The following KIAA1671 variants were observed in gnomAD, a reference collection of about 807,000 sequenced individuals.
The protein encoded by KIAA1671 is KIAA1671.
KIAA1671 carries 52 observed loss-of-function variants against 131.2 expected under a neutral mutation model. The ratio of observed to expected loss-of-function variants is 0.40; its 90% CI spans 0.32 to 0.50. The LOEUF is 0.50. KIAA1671 is among the 20% of genes least tolerant of loss of function. The probability of loss-of-function intolerance (pLI) is 0.73; values close to 1 mark genes in which losing one functional copy is unlikely to be tolerated. For synonymous variants in KIAA1671, 1,003 were observed against 961.6 expected (o/e 1.04, Z -0.80); for missense variants, 2,360 against 2,364.2 (o/e 1.00, Z 0.04).
chr22:25,084,953 G>C (rs993977431), intron 6 of KIAA1671, among the ~76,000 whole-genome samples: 3 of 152,236 alleles, frequency 2.0e-5, no homozygotes, highest in African/African-American at 7.2e-5. Context: ...AGTGAGTGTT[G>C]TGGCAAAGAA....
At chr22:25,155,264 T>G (rs557176854) in intron 6 of KIAA1671, among the ~76,000 whole-genome samples, 2 of 152,238 alleles carry the variant, frequency 1.3e-5, no homozygotes, top group Non-Finnish European at 2.9e-5. Flanking sequence ...AGCTATAGTT[T>G]AGGTATCAGG....
intron 6 of KIAA1671, among the ~76,000 whole-genome samples, chr22:25,069,656 G>A (rs958174964): frequency 2.0e-5 from 3 of 152,146 alleles, no homozygotes; most frequent in African/African-American, 7.2e-5. Flanking sequence ...TGTAAAATGG[G>A]GATGGCCACA....
chr22:25,016,547 C>T lies in KIAA1671; in HGVS notation c.-207-9086C>T, dbSNP rs529981572. ...AGGCCCAGACTAAGGCAGGGAGGGGCTGGCCCAAAGCCGTCACTGCAGGTT... is the reference window on the plus strand; with the variant it reads ...AGGCCCAGACTAAGGCAGGGAGGGGTTGGCCCAAAGCCGTCACTGCAGGTT... On this transcript the variant is annotated intron_variant, in intron 1 of 12. Coordinates refer to ENST00000358431, the MANE Select transcript of KIAA1671 (RefSeq NM_001145206.2). Among the ~76,000 whole-genome samples the T allele has an allele frequency of 2.5e-3, 376 of 152,270 alleles. 4 individuals are homozygous for T. Among genetic ancestry groups the T allele is most frequent in the African/African-American group, 8.8e-3 (365 of 41,544 alleles).
intron 6 of KIAA1671, among the ~76,000 whole-genome samples, chr22:25,099,893 G>T (rs1380516464): frequency 6.6e-6 from 1 of 152,192 alleles, no homozygotes; most frequent in Non-Finnish European, 1.5e-5. Flanking sequence ...CATGCCTGTT[G>T]CTGGGGGCCT....
At chr22:25,033,301 G>A (rs1926391243) in intron 4 of KIAA1671, among the ~76,000 whole-genome samples, 1 of 152,078 alleles carries the variant, frequency 6.6e-6, no homozygotes, top group Non-Finnish European at 1.5e-5. Context: ...GAGGCAGGAG[G>A]ATTGCTTGAG....
chr22:25,115,100 A>G (rs1931584416), intron 6 of KIAA1671, among the ~76,000 whole-genome samples: 1 of 152,204 alleles, frequency 6.6e-6, no homozygotes, highest in African/African-American at 2.4e-5. Flanking sequence ...AAGGGATAAA[A>G]GGGGGAAAGA....
chr22:25,033,574 G>T (rs1330914879), intron 4 of KIAA1671, among the ~76,000 whole-genome samples: 54 of 58,400 alleles, frequency 9.2e-4, no homozygotes, highest in Admixed American at 1.5e-3. Context: ...GTTTGTTTTC[G>T]TTTTTTTTTT....
chr22:25,080,783 A>G (rs7285772), intron 6 of KIAA1671, among the ~76,000 whole-genome samples: 56,740 of 151,972 alleles, frequency 0.37, 10,861 homozygotes, highest in Middle Eastern at 0.45. Flanking sequence ...GTTAGTCCAC[A>G]GGGTCTTTGC....
rs1934822182 is a variant in KIAA1671, at chr22:25,196,221, G to C, written c.*3820G>C. On this transcript the variant is annotated 3_prime_UTR_variant, in exon 13 of 13. Coordinates refer to ENST00000358431, the MANE Select transcript of KIAA1671 (RefSeq NM_001145206.2). ...GCAGAAAGCTAGGCCCTCTGCTCTG[G>C]AAAGTCGGCCTGAGGTTTCCGGCAA... 2 of 152,124 alleles carry C rather than the reference G, an allele frequency of 1.3e-5. No individual in the cohort carries two copies. Among genetic ancestry groups the C allele is most frequent in the African/African-American group, 4.8e-5 (2 of 41,418 alleles). The allele number at this position is 152,124 out of a possible 1,614,324, so 9.4% of individuals were successfully genotyped here.
At chr22:24,994,321 G>A (rs1253583821) in intron 1 of KIAA1671, among the ~76,000 whole-genome samples, 1 of 152,198 alleles carries the variant, frequency 6.6e-6, no homozygotes, top group East Asian at 1.9e-4. Context: ...GCAAAGGCAA[G>A]CAGTTTATTT....
chr22:25,097,023 G>A (rs1930424158), intron 6 of KIAA1671, among the ~76,000 whole-genome samples: 2 of 152,108 alleles, frequency 1.3e-5, no homozygotes, highest in Non-Finnish European at 2.9e-5. Context: ...CTTGTTGACC[G>A]GCATTTGAGT....
intron 6 of KIAA1671, among the ~76,000 whole-genome samples, chr22:25,111,202 G>A (rs1931323956): frequency 6.6e-6 from 1 of 152,204 alleles, no homozygotes; most frequent in Non-Finnish European, 1.5e-5. Context: ...ACCTTCCCGG[G>A]GCTGCCAGAT....
At chr22:25,150,130 C>T (rs1932985530) in intron 6 of KIAA1671, among the ~76,000 whole-genome samples, 1 of 152,234 alleles carries the variant, frequency 6.6e-6, no homozygotes, top group Non-Finnish European at 1.5e-5. Context: ...TGCTCAGTGT[C>T]CTGAGCGAGC....
Position 25,028,616 on chromosome 22 carries a change from C to A in KIAA1671, c.617C>A (p.Pro206His), listed in dbSNP as rs1926097635. The change falls in exon 3 of 13, where the codon CCT becomes CAT. Residue 206 changes from proline (P) to histidine (H), a missense_variant. Physicochemically the swap from Pro to His is moderately conservative, Grantham distance 77 (BLOSUM62 -2). Transcript: ENST00000358431. ...CCCCTGTCTCAGGACACAAAACCACCTGTACCCCAAGAGGAGGCAGGCCAA... is the reference window on the plus strand; with the variant it reads ...CCCCTGTCTCAGGACACAAAACCACATGTACCCCAAGAGGAGGCAGGCCAA... The part of the protein sequence containing the change: ...SAPLSQDTKP[P>H]VPQEEAGQDH... 2.6e-6 allele frequency: 4 copies of A among 1,550,982 alleles called. No homozygotes were observed. The highest frequency in any genetic ancestry group is 3.5e-6 in the Non-Finnish European group (4 of 1,146,960).
chr22:25,139,732 T>C (rs891223566), intron 6 of KIAA1671, among the ~76,000 whole-genome samples: 9 of 152,198 alleles, frequency 5.9e-5, no homozygotes, highest in African/African-American at 2.2e-4. Flanking sequence ...GGGGGACATA[T>C]GTACTTTACA....
chr22:25,130,531 A>C (rs933599405), intron 6 of KIAA1671, among the ~76,000 whole-genome samples: 4 of 152,306 alleles, frequency 2.6e-5, no homozygotes, highest in South Asian at 2.1e-4. Context: ...GATTTGTCAT[A>C]CTCTGAAAAC....
chr22:25,148,284 C>T (rs1932929066), intron 6 of KIAA1671, among the ~76,000 whole-genome samples: 1 of 148,188 alleles, frequency 6.7e-6, no homozygotes, highest in Admixed American at 6.7e-5. Context: ...CTCCCTCAGT[C>T]CCAGCCCTCC....
At chr22:24,962,797 C>A (rs1170672857) in intron 1 of KIAA1671, among the ~76,000 whole-genome samples, 1 of 152,028 alleles carries the variant, frequency 6.6e-6, no homozygotes, top group Non-Finnish European at 1.5e-5. Flanking sequence ...TTTTTGGGGC[C>A]CTGCATCTGA....
At chr22:25,143,948 A>AT (rs1932840611) in intron 6 of KIAA1671, among the ~76,000 whole-genome samples, 1 of 151,960 alleles carries the variant, frequency 6.6e-6, no homozygotes, top group South Asian at 2.1e-4. Flanking sequence ...AGGTGGGAGG[A>AT]TCCCTTGAGT....
Sources: allele counts gnomAD v4.1 joint callset (sites outside exome capture counted in the v4.1 genomes callset), GRCh38; gene constraint gnomAD v4.1.1; transcripts MANE v1.5; gene names NCBI Gene and HGNC (gene_info 2026-07-23, HGNC 2026-07-21).